CBLN2: variants seen among roughly 807,000 people sequenced by gnomAD.
CBLN2 encodes the protein cerebellin-2.
Under a neutral mutation model 15.0 loss-of-function variants are expected in CBLN2, and 7 were observed. That is an observed-to-expected ratio of 0.47 (90% CI 0.27 to 0.88). The LOEUF (loss-of-function observed/expected upper bound fraction) is 0.88, where lower values mean the gene tolerates loss of function less well. Among genes scored for constraint, CBLN2 ranks in the 40% least tolerant of loss-of-function variants. The pLI is 0.14. For missense variants in CBLN2, 242 were observed against 304.5 expected, an observed-to-expected ratio of 0.79 and a Z score of 1.53; for synonymous variants, 149 against 135.2, an observed-to-expected ratio of 1.10 and a Z score of -0.71.
chr18:72,547,556 C>A (rs1368958396), upstream of CBLN2, among the ~76,000 whole-genome samples: 5 of 151,804 alleles, frequency 3.3e-5, no homozygotes, highest in Admixed American at 2.6e-4. Context: ...TTATTTTTTT[C>A]TTTTAATGTA....
intron 1 of CBLN2, among the ~76,000 whole-genome samples, chr18:72,562,938 A>G (rs1311788383): frequency 2.0e-5 from 3 of 152,234 alleles, no homozygotes; most frequent in African/African-American, 7.2e-5. Context: ...TAGGATATTG[A>G]ACCTAGAATT....
At chr18:72,586,418 G>A (rs2069443720) in intron 1 of CBLN2, among the ~76,000 whole-genome samples, 1 of 152,102 alleles carries the variant, frequency 6.6e-6, no homozygotes. Context: ...ACACTGTTAT[G>A]TCCAAAACTT....
intron 1 of CBLN2, among the ~76,000 whole-genome samples, chr18:72,612,135 T>C (rs1421388716): frequency 1.3e-5 from 2 of 152,208 alleles, no homozygotes; most frequent in African/African-American, 2.4e-5. Flanking sequence ...GCTGTTTTGG[T>C]TACTGTAGCC....
intron 1 of CBLN2, among the ~76,000 whole-genome samples, chr18:72,610,105 A>G (rs9965840): frequency 0.03 from 4,511 of 152,260 alleles, 229 homozygotes; most frequent in African/African-American, 0.1. Context: ...CACCATGACC[A>G]TCCTAATGTT....
At chr18:72,634,232 A>G (rs1019457400) in intron 1 of CBLN2, among the ~76,000 whole-genome samples, 13 of 152,180 alleles carry the variant, frequency 8.5e-5, no homozygotes, top group African/African-American at 3.1e-4. Flanking sequence ...AAGGGTTTTT[A>G]AGAAGTTCTG....
At chr18:72,608,321 T>C (rs1331826147) in intron 1 of CBLN2, among the ~76,000 whole-genome samples, 1 of 152,184 alleles carries the variant, frequency 6.6e-6, no homozygotes, top group Non-Finnish European at 1.5e-5. Flanking sequence ...CAGAAGTTCC[T>C]GTCTTTTCAT....
chr18:72,541,959 A>T lies in CBLN2; in HGVS notation c.202T>A (p.Cys68Ser). Residue 68 changes from cysteine to serine, a missense_variant, in exon 3 of 5, where the codon TGC (cysteine) becomes AGC (serine). Physicochemically the swap from Cys to Ser is moderately radical, Grantham distance 112 (BLOSUM62 -1). This residue lies in a region of CBLN2 where 89 missense variants were observed against 114.2 expected (regional missense o/e 0.78). Coordinates refer to ENST00000269503, the MANE Select transcript of CBLN2 (RefSeq NM_182511.4). ...IVLEGKCLVV[C>S]DSSPSADGAV... ...CCGTCCGCCGACGGGCTGGAGTCGC[A>T]CACCACCAGGCACTTGCCCTCCAGC... 1 of 1,607,476 alleles carries T rather than the reference A, an allele frequency of 6.2e-7. No individual in the cohort carries two copies. Among genetic ancestry groups the T allele is most frequent in the Non-Finnish European group, 8.5e-7 (1 of 1,179,538 alleles).
At chr18:72,562,058 G>GT (rs2069264952) in intron 1 of CBLN2, among the ~76,000 whole-genome samples, 1 of 152,124 alleles carries the variant, frequency 6.6e-6, no homozygotes, top group African/African-American at 2.4e-5. Flanking sequence ...CAAATTTATT[G>GT]TTTTATGTGT....
chr18:72,616,547 G>T (rs547462456), intron 1 of CBLN2, among the ~76,000 whole-genome samples: 1 of 152,198 alleles, frequency 6.6e-6, no homozygotes, highest in East Asian at 1.9e-4. Flanking sequence ...CACTGGTAGT[G>T]TGGAAAGGAT....
intron 1 of CBLN2, among the ~76,000 whole-genome samples, chr18:72,609,216 T>C (rs2069604570): frequency 6.6e-6 from 1 of 152,162 alleles, no homozygotes; most frequent in Non-Finnish European, 1.5e-5. Context: ...GATGAATTAA[T>C]AGAAATTTTT....
chr18:72,580,556 T>C (rs2069396100), intron 1 of CBLN2, among the ~76,000 whole-genome samples: 1 of 152,212 alleles, frequency 6.6e-6, no homozygotes, highest in South Asian at 2.1e-4. Context: ...AGTATAACTG[T>C]GGTTAATTTC....
At chr18:72,590,735 A>G (rs1278443765) in intron 1 of CBLN2, among the ~76,000 whole-genome samples, 1 of 152,232 alleles carries the variant, frequency 6.6e-6, no homozygotes, top group East Asian at 1.9e-4. Context: ...CTATAGTGTG[A>G]TAATAAAACC....
chr18:72,590,727 A>G (rs2069474829), intron 1 of CBLN2, among the ~76,000 whole-genome samples: 1 of 152,352 alleles, frequency 6.6e-6, no homozygotes, highest in East Asian at 1.9e-4. Flanking sequence ...CAAATAACCT[A>G]TAGTGTGATA....
At chr18:72,623,048 G>A (rs1205904096) in intron 1 of CBLN2, among the ~76,000 whole-genome samples, 8 of 152,140 alleles carry the variant, frequency 5.3e-5, no homozygotes, top group African/African-American at 1.9e-4. Flanking sequence ...GAAACTTACA[G>A]TCATGATCAG....
intron 1 of CBLN2, among the ~76,000 whole-genome samples, chr18:72,608,859 T>C (rs1191343629): frequency 6.6e-6 from 1 of 152,062 alleles, no homozygotes; most frequent in Non-Finnish European, 1.5e-5. Flanking sequence ...TGGTGGAAGG[T>C]GAATGAGGAG....
chr18:72,562,682 G>A (rs1450505976), intron 1 of CBLN2, among the ~76,000 whole-genome samples: 1 of 152,176 alleles, frequency 6.6e-6, no homozygotes, highest in African/African-American at 2.4e-5. Context: ...AGAGTCTTTG[G>A]AAACAGACAA....
At chr18:72,628,005 T>C (rs1184225415) in intron 1 of CBLN2, among the ~76,000 whole-genome samples, 1 of 152,172 alleles carries the variant, frequency 6.6e-6, no homozygotes, top group African/African-American at 2.4e-5. Context: ...TTATGTCTTA[T>C]GTATTATCTC....
chr18:72,576,922 A>C (rs919132793), intron 1 of CBLN2, among the ~76,000 whole-genome samples: 5 of 148,178 alleles, frequency 3.4e-5, no homozygotes, highest in African/African-American at 1.2e-4. Context: ...ATTTATTTTC[A>C]TTCTAGAATT....
At chr18:72,618,554 G>A in intron 1 of CBLN2, 4 of 749,952 alleles carry the variant, frequency 5.3e-6, no homozygotes, top group South Asian at 5.3e-5. Context: ...GTTTCTCAAA[G>A]ACCAGGTGTC....
Sources: gnomAD v4.1 joint callset for allele counts (sites outside exome capture counted in the v4.1 genomes callset) on GRCh38, gnomAD v4.1.1 for gene constraint, gnomAD v4.1.1 regional missense constraint, MANE v1.5 for transcripts, NCBI Gene and HGNC (gene_info 2026-07-23, HGNC 2026-07-21) for gene names.